Variants in ZRANB3 observed in about 807,000 individuals in gnomAD.
The protein encoded by ZRANB3 is DNA annealing helicase and endonuclease ZRANB3.
A neutral mutation model predicts 133.8 loss-of-function variants in ZRANB3; 125 were observed. That is an observed-to-expected ratio of 0.93 (90% CI 0.81 to 1.08). ZRANB3 has a LOEUF of 1.08. Ranked by LOEUF, ZRANB3 falls within the 50% of genes least tolerant of loss-of-function variation. ZRANB3 has a pLI of 0.00. For synonymous variants in ZRANB3, 387 were observed against 432.7 expected (o/e 0.89, Z 1.31); for missense variants, 1,229 against 1,275.5 (o/e 0.96, Z 0.56).
chr2:135,326,636 T>A (rs1683843703), intron 6 of ZRANB3, among the ~76,000 whole-genome samples: 1 of 151,908 alleles, frequency 6.6e-6, no homozygotes, highest in Non-Finnish European at 1.5e-5. Context: ...GCATGGTGGA[T>A]CATGCCTGTA....
intron 6 of ZRANB3, among the ~76,000 whole-genome samples, chr2:135,327,921 AAAGT>A (rs1233880468): frequency 6.6e-6 from 1 of 152,186 alleles, no homozygotes; most frequent in Non-Finnish European, 1.5e-5. Flanking sequence ...ATATTACAGA[AAAGT>A]GTGTACAATA....
intron 8 of ZRANB3, among the ~76,000 whole-genome samples, chr2:135,308,870 G>A (rs1345992427): frequency 6.6e-6 from 1 of 150,926 alleles, no homozygotes; most frequent in East Asian, 1.9e-4. Flanking sequence ...CCCCTTCTCC[G>A]CCAAAGGAAA....
chr2:135,325,311 T>C (rs1007850664), intron 6 of ZRANB3, among the ~76,000 whole-genome samples: 1 of 152,134 alleles, frequency 6.6e-6, no homozygotes, highest in Non-Finnish European at 1.5e-5. Flanking sequence ...AATTAATAAA[T>C]GAGAAGGAAA....
At chr2:135,332,866 G>A (rs1297623428) in intron 6 of ZRANB3, among the ~76,000 whole-genome samples, 1 of 151,976 alleles carries the variant, frequency 6.6e-6, no homozygotes, top group Non-Finnish European at 1.5e-5. Context: ...GTTGATTTCT[G>A]AGTTCATACA....
At chr2:135,463,704 A>AC (rs1425614135) in intron 2 of ZRANB3, among the ~76,000 whole-genome samples, 1 of 152,184 alleles carries the variant, frequency 6.6e-6, no homozygotes, top group Non-Finnish European at 1.5e-5. Context: ...GGCATGAACC[A>AC]CCACACCCAG....
At chr2:135,466,310 G>C (rs1015650378) in intron 2 of ZRANB3, among the ~76,000 whole-genome samples, 1 of 148,422 alleles carries the variant, frequency 6.7e-6, no homozygotes, top group African/African-American at 2.5e-5. Context: ...TTGAACCCGG[G>C]AGTCGGAGGT....
At chr2:135,423,579 G>A (rs1688953946) in intron 2 of ZRANB3, among the ~76,000 whole-genome samples, 1 of 152,136 alleles carries the variant, frequency 6.6e-6, no homozygotes, top group African/African-American at 2.4e-5. Flanking sequence ...CACATTCCCA[G>A]GTACTAGGGA....
chr2:135,307,957 A>G (rs1321656821), intron 8 of ZRANB3, among the ~76,000 whole-genome samples: 50 of 152,178 alleles, frequency 3.3e-4, no homozygotes, highest in Non-Finnish European at 1.5e-5. Context: ...GTAGTCCTGC[A>G]CGCCTGTAGG....
chr2:135,221,522 G>A (rs982811689), intron 15 of ZRANB3, among the ~76,000 whole-genome samples: 1 of 152,144 alleles, frequency 6.6e-6, no homozygotes, highest in African/African-American at 2.4e-5. Flanking sequence ...AATCCAAGAG[G>A]CAGAGCTTTC....
chr2:135,262,056 A>C lies in ZRANB3; in HGVS notation c.1539+3478T>G, dbSNP rs1249872850. The stretch of plus-strand genomic sequence containing the variant: ...GTGCCTGTTGTCTCAGCTACTTGGG[A>C]GGCTGAGGCAGGAGCATTGCTTGAA... On this transcript the variant is annotated intron_variant, in intron 12 of 20. Transcript: ENST00000264159. Among the ~76,000 whole-genome samples the C allele has an allele frequency of 2.0e-5, 3 of 146,846 alleles. No individual in the cohort carries two copies. In the Admixed American group the frequency reaches 2.1e-4, roughly 10 times the overall value.
At chr2:135,288,271 C>G (rs1681489386) in intron 8 of ZRANB3, among the ~76,000 whole-genome samples, 1 of 152,134 alleles carries the variant, frequency 6.6e-6, no homozygotes. Context: ...CCCAGCATCC[C>G]TAATATGAAA....
chr2:135,211,961 T>C (rs1694108725), intron 17 of ZRANB3, among the ~76,000 whole-genome samples: 1 of 152,236 alleles, frequency 6.6e-6, no homozygotes, highest in Non-Finnish European at 1.5e-5. Flanking sequence ...CCTCTAAGGT[T>C]ATACCAGTGT....
At chr2:135,413,245 A>G (rs901588764) in intron 2 of ZRANB3, among the ~76,000 whole-genome samples, 8 of 152,228 alleles carry the variant, frequency 5.3e-5, no homozygotes, top group Non-Finnish European at 7.3e-5. Context: ...CAAAGTAGAA[A>G]GATGACATGA....
At chr2:135,415,079 G>T (rs1198320628) in intron 2 of ZRANB3, among the ~76,000 whole-genome samples, 1 of 148,166 alleles carries the variant, frequency 6.7e-6, no homozygotes, top group African/African-American at 2.5e-5. Context: ...TCAAAAGCTA[G>T]CAGAAGGCAA....
intron 2 of ZRANB3, among the ~76,000 whole-genome samples, chr2:135,427,822 A>G (rs937981691): frequency 6.6e-6 from 1 of 152,236 alleles, no homozygotes; most frequent in Non-Finnish European, 1.5e-5. Context: ...TATAGTAACC[A>G]AAACAGCATG....
Position 135,345,580 on chromosome 2 carries a change from T to C in ZRANB3, c.647A>G (p.Tyr216Cys). 5.0e-6 allele frequency: 8 copies of C among 1,612,950 alleles called. No individual in the cohort carries two copies. Among genetic ancestry groups the C allele is most frequent in the Non-Finnish European group, 6.8e-6 (8 of 1,179,438 alleles). Reference protein sequence around the residue: ...FPQKFGRWTDYAKRYCNAHIR... With the variant: ...FPQKFGRWTDCAKRYCNAHIR... ...GTGTGCATTACAGTATCTTTTTGCA[T>C]AGTCGGTCCATCTTCCAAATTTTTG... Residue 216 changes from tyrosine (Y) to cysteine (C), a missense_variant, in exon 6 of 21, where the codon TAT becomes TGT. Physicochemically the swap from Tyr to Cys is radical, Grantham distance 194 (BLOSUM62 -2). Coordinates refer to ENST00000264159, the MANE Select transcript of ZRANB3 (RefSeq NM_032143.4).
chr2:135,299,443 T>C (rs573507891), intron 8 of ZRANB3, among the ~76,000 whole-genome samples: 24 of 152,278 alleles, frequency 1.6e-4, no homozygotes, highest in African/African-American at 5.8e-4. Context: ...CTTCTGTGCT[T>C]GTATCTGCAC....
intron 12 of ZRANB3, among the ~76,000 whole-genome samples, chr2:135,245,335 A>T (rs1220822906): frequency 6.6e-6 from 1 of 152,192 alleles, no homozygotes; most frequent in Admixed American, 6.5e-5. Flanking sequence ...GGTCTCTTTG[A>T]CATTTAGCAG....
chr2:135,370,375 T>C (rs1473718004), intron 3 of ZRANB3, among the ~76,000 whole-genome samples: 1 of 152,046 alleles, frequency 6.6e-6, no homozygotes, highest in African/African-American at 2.4e-5. Context: ...GTCATTCTTA[T>C]GCCACTGCAT....
Sources: allele counts gnomAD v4.1 joint callset (sites outside exome capture counted in the v4.1 genomes callset), GRCh38; gene constraint gnomAD v4.1.1; transcripts MANE v1.5; gene names NCBI Gene and HGNC (gene_info 2026-07-23, HGNC 2026-07-21).